HBS1L: variants seen among roughly 807,000 people sequenced by gnomAD.
HBS1L encodes HBS1 like translational GTPase, also known as HBS1-like protein.
In HBS1L, 55 loss-of-function variants were observed where a neutral mutation model predicts 88.9. The ratio of observed to expected loss-of-function variants is 0.62; its 90% confidence interval spans 0.50 to 0.77. The LOEUF (loss-of-function observed/expected upper bound fraction) is 0.77, where lower values mean the gene tolerates loss of function less well. HBS1L is among the 30% of genes least tolerant of loss of function. The pLI is 0.00. For missense variants in HBS1L, 741 were observed against 829.3 expected, an observed-to-expected ratio of 0.89 and a Z score of 1.31; for synonymous variants, 267 against 288.5, an observed-to-expected ratio of 0.93 and a Z score of 0.76.
intron 4 of HBS1L, among the ~76,000 whole-genome samples, chr6:135,014,979 G>A (rs1775880621): frequency 6.6e-6 from 1 of 151,982 alleles, no homozygotes; most frequent in Non-Finnish European, 1.5e-5. Context: ...AGGTTGCAGT[G>A]AGCCAAGATC....
At position 134,965,216 on chromosome 6, in the gene HBS1L, C is replaced by T; in HGVS notation, c.*63G>A. ...CATTGTTCCTTTGACTTAATAACTG[C>T]ATTCTTGAAACAGAGGTTAGCTATT... On this transcript the variant is annotated 3_prime_UTR_variant, in exon 18 of 18. Transcript: ENST00000367837. The T allele has an allele frequency of 1.5e-6, 2 of 1,312,888 alleles. No individual in the cohort carries two copies. The highest frequency in any genetic ancestry group is 1.2e-5 in the South Asian group (1 of 83,376). 81.3% of individuals were successfully genotyped at this position (1,312,888 alleles called of 1,614,324 possible).
chr6:135,014,874 ACCAC>A (rs1775876904), intron 4 of HBS1L, among the ~76,000 whole-genome samples: 1 of 133,666 alleles, frequency 7.5e-6, no homozygotes, highest in African/African-American at 2.8e-5. Flanking sequence ...AAAAAAAAAA[ACCAC>A]AAAAAAATTA....
chr6:134,990,942 G>A (rs148656101), intron 8 of HBS1L, among the ~76,000 whole-genome samples: 42 of 151,626 alleles, frequency 2.8e-4, no homozygotes, highest in East Asian at 9.7e-4. Flanking sequence ...TGTTTGTCTC[G>A]CCCATTAAAC....
intron 1 of HBS1L, among the ~76,000 whole-genome samples, chr6:135,054,232 T>G (rs1001395789): frequency 6.6e-6 from 1 of 152,230 alleles, no homozygotes; most frequent in Non-Finnish European, 1.5e-5. Context: ...ATGTATTAAG[T>G]CAATCTGTGT....
At position 135,017,002 on chromosome 6, in the gene HBS1L, C is replaced by A. The variant is rs1775940196; in HGVS notation, c.431-14160G>T. Reference sequence around the variant, plus strand: ...CTGGGACAGAAAAAAAGATTTAGAACTATTTATCTGGTATAAAACTAATTT... The same window carrying A: ...CTGGGACAGAAAAAAAGATTTAGAAATATTTATCTGGTATAAAACTAATTT... On this transcript the variant is annotated intron_variant, in intron 4 of 17. Coordinates refer to ENST00000367837, the MANE Select transcript of HBS1L (RefSeq NM_006620.4). Among the ~76,000 whole-genome samples the A allele has an allele frequency of 4.6e-5, 7 of 152,140 alleles. No individual in the cohort carries two copies. The South Asian group carries it at 1.5e-3, about 32-fold the overall frequency.
intron 2 of HBS1L, 59 bp from the exon 3 acceptor site, chr6:135,042,185 T>A: frequency 6.9e-7 from 1 of 1,456,000 alleles, no homozygotes; most frequent in Non-Finnish European, 9.2e-7. Flanking sequence ...TAACTTTTTT[T>A]TACAAAAGTT....
Position 134,996,868 on chromosome 6 carries a change from T to C in HBS1L, c.874A>G (p.Met292Val). ...YLLGNINKRT[M>V]HKYEQESKKA... ...TTAGACTCCTGTTCATACTTATGCA[T>C]AGTTCTTTTGTTTATATTACCCAGA... is the stretch of plus-strand genomic sequence containing the variant. Residue 292 changes from methionine to valine, a missense_variant, in exon 7 of 18, where the codon ATG (methionine) becomes GTG (valine). This residue lies in a region of HBS1L where 556 missense variants were observed against 598.4 expected (regional missense o/e 0.93). Transcript: ENST00000367837. The C allele has an allele frequency of 3.1e-6, 5 of 1,611,772 alleles. No individual in the cohort carries two copies. Among genetic ancestry groups the C allele is most frequent in the South Asian group, 1.1e-5 (1 of 90,738 alleles).
intron 13 of HBS1L, among the ~76,000 whole-genome samples, chr6:134,981,610 A>T (rs535811900): frequency 8.3e-4 from 126 of 152,052 alleles, no homozygotes; most frequent in African/African-American, 2.9e-3. Context: ...AGGGAAAAAT[A>T]CTAAAATCTA....
In HBS1L at chr6:134,986,133, T is replaced by G. The variant is rs374617901; in HGVS notation, c.1356A>C (p.Leu452=). Residue 452 remains leucine, a synonymous_variant, in exon 11 of 18, where the codon CTA becomes CTC. Coordinates refer to ENST00000367837, the MANE Select transcript of HBS1L (RefSeq NM_006620.4). Reference sequence around the variant, plus strand: ...GTTCACTTGACTGAGATCTTGTGATTAGATTTTCACCACTGAGACCACTTG... The same window carrying G: ...GTTCACTTGACTGAGATCTTGTGATGAGATTTTCACCACTGAGACCACTTG... ...IPTSGLSGEN[L]ITRSQSSELT... 438 of 1,603,044 alleles carry G rather than the reference T, an allele frequency of 2.7e-4. No homozygotes were observed. The highest frequency in any genetic ancestry group is 3.4e-4 in the Non-Finnish European group (398 of 1,170,832).
At chr6:135,002,243 G>A (rs1583097640) in intron 5 of HBS1L, among the ~76,000 whole-genome samples, 1 of 152,048 alleles carries the variant, frequency 6.6e-6, no homozygotes, top group Admixed American at 6.6e-5. Flanking sequence ...TTCTACATAT[G>A]TTTCATATCA....
At chr6:135,044,178 GT>G (rs1231054996) in intron 2 of HBS1L, among the ~76,000 whole-genome samples, 1 of 152,100 alleles carries the variant, frequency 6.6e-6, no homozygotes, top group Non-Finnish European at 1.5e-5. Context: ...TTTTAAAAGT[GT>G]AAAATCCTAT....
chr6:135,047,451 T>G (rs1031270844), intron 2 of HBS1L, among the ~76,000 whole-genome samples: 1 of 152,228 alleles, frequency 6.6e-6, no homozygotes, highest in Non-Finnish European at 1.5e-5. Context: ...CTACCAACTC[T>G]TGCCCTAAAC....
intron 4 of HBS1L, chr6:135,036,285 T>C: frequency 9.8e-7 from 1 of 1,017,038 alleles, no homozygotes; most frequent in Non-Finnish European, 1.2e-6. Context: ...CAAACAAAAA[T>C]ATATGAGGTC....
chr6:135,036,917 A>T (rs754032415), intron 4 of HBS1L: 5 of 1,551,668 alleles, frequency 3.2e-6, no homozygotes, highest in Non-Finnish European at 4.4e-6. Context: ...GTTCGTGATG[A>T]TGGAGCAATG....
At chr6:135,042,265 A>G in intron 2 of HBS1L, 139 bp from the exon 3 acceptor site, 1 of 643,142 alleles carries the variant, frequency 1.6e-6, no homozygotes, top group Non-Finnish European at 2.5e-6. Flanking sequence ...GAAAACAAAA[A>G]CAATATCATA....
intron 4 of HBS1L, among the ~76,000 whole-genome samples, chr6:135,012,142 T>C (rs374285497): frequency 6.6e-6 from 1 of 152,110 alleles, no homozygotes; most frequent in South Asian, 2.1e-4. Flanking sequence ...TGTTACCATA[T>C]GTAATGACAA....
At chr6:135,029,555 A>G (rs888365220) in intron 4 of HBS1L, among the ~76,000 whole-genome samples, 2 of 152,146 alleles carry the variant, frequency 1.3e-5, no homozygotes, top group Non-Finnish European at 2.9e-5. Context: ...CAAAAGAAAT[A>G]ATACCCCTAT....
At chr6:135,009,465 A>T (rs919566635) in intron 4 of HBS1L, among the ~76,000 whole-genome samples, 1 of 152,182 alleles carries the variant, frequency 6.6e-6, no homozygotes, top group African/African-American at 2.4e-5. Context: ...AGGCATAAGC[A>T]GGGGTCAGTG....
At chr6:135,002,298 G>A (rs1182726024) in intron 5 of HBS1L, among the ~76,000 whole-genome samples, 5 of 151,872 alleles carry the variant, frequency 3.3e-5, no homozygotes, top group African/African-American at 1.2e-4. Flanking sequence ...TGCTACAATG[G>A]TCCAATTTAT....
Sources: gnomAD v4.1 joint callset for allele counts (sites outside exome capture counted in the v4.1 genomes callset) on GRCh38, gnomAD v4.1.1 for gene constraint, gnomAD v4.1.1 regional missense constraint, MANE v1.5 for transcripts, NCBI Gene and HGNC (gene_info 2026-07-23, HGNC 2026-07-21) for gene names.